MOV10L1: variants seen among roughly 807,000 people sequenced by gnomAD.
MOV10L1 encodes the protein RNA helicase Mov10l1.
A neutral mutation model predicts 143.8 loss-of-function variants in MOV10L1; 110 were observed. That is an observed-to-expected ratio of 0.76 (90% CI 0.66 to 0.90). The LOEUF (loss-of-function observed/expected upper bound fraction) is 0.90. MOV10L1 is among the 40% of genes least tolerant of loss of function. The pLI is 0.00. For missense variants in MOV10L1, 1,406 were observed against 1,526.8 expected (o/e 0.92, Z 1.32); for synonymous variants, 593 against 581.1 (o/e 1.02, Z -0.29).
At chr22:50,097,152 G>C (rs2062610696) in intron 2 of MOV10L1, among the ~76,000 whole-genome samples, 1 of 152,018 alleles carries the variant, frequency 6.6e-6, no homozygotes, top group Non-Finnish European at 1.5e-5. Flanking sequence ...TCACTTTGTT[G>C]CCCAGGCTGG....
intron 17 of MOV10L1, 148 bp downstream of exon 17, chr22:50,143,369 T>C: frequency 1.1e-6 from 1 of 935,586 alleles, no homozygotes; most frequent in Non-Finnish European, 1.7e-6. Context: ...TTAAGTCTGT[T>C]TTTGTGGATA....
chr22:50,157,287 A>G (rs1323833283), intron 22 of MOV10L1, among the ~76,000 whole-genome samples: 4 of 152,124 alleles, frequency 2.6e-5, no homozygotes, highest in Admixed American at 1.3e-4. Flanking sequence ...TCCGCAGACT[A>G]TCTTTTCACG....
chr22:50,125,783 G>C (rs138241), intron 11 of MOV10L1, among the ~76,000 whole-genome samples: 1 of 151,662 alleles, frequency 6.6e-6, no homozygotes, highest in African/African-American at 2.4e-5. Context: ...TAATGTTTTT[G>C]TTTGTTTGTT....
chr22:50,126,659 G>C (rs2062516031), intron 12 of MOV10L1, among the ~76,000 whole-genome samples: 1 of 152,190 alleles, frequency 6.6e-6, no homozygotes, highest in Admixed American at 6.5e-5. Flanking sequence ...TGGTGCTCCA[G>C]ATGGTTCTGC....
At chr22:50,143,459 GA>G (rs2063048127) in intron 17 of MOV10L1, 2 of 525,624 alleles carry the variant, frequency 3.8e-6, no homozygotes, top group Non-Finnish European at 6.8e-6. Flanking sequence ...TCTGAATCAT[GA>G]CATTTTGCTG....
At chr22:50,096,957 C>T (rs1416995081) in intron 2 of MOV10L1, among the ~76,000 whole-genome samples, 1 of 152,140 alleles carries the variant, frequency 6.6e-6, no homozygotes, top group Non-Finnish European at 1.5e-5. Flanking sequence ...CTTTGATGCA[C>T]AGATGTTTTA....
chr22:50,105,245 C>G (rs1602148083), intron 3 of MOV10L1, among the ~76,000 whole-genome samples: 1 of 152,090 alleles, frequency 6.6e-6, no homozygotes, highest in Non-Finnish European at 1.5e-5. Context: ...TTCATAGGTA[C>G]TGTCTTTTTG....
At chr22:50,116,546 A>G (rs1218357920) in intron 8 of MOV10L1, among the ~76,000 whole-genome samples, 2 of 152,020 alleles carry the variant, frequency 1.3e-5, no homozygotes, top group African/African-American at 2.4e-5. Flanking sequence ...CACATTAGAT[A>G]TAGTACCTAT....
At chr22:50,144,340 G>A in intron 18 of MOV10L1, 97 bp downstream of exon 18, 1 of 1,389,984 alleles carries the variant, frequency 7.2e-7, no homozygotes, top group African/African-American at 1.4e-5. Context: ...AGGAGGGTGG[G>A]CACAGAGGCG....
intron 22 of MOV10L1, among the ~76,000 whole-genome samples, chr22:50,157,760 TCA>T (rs1491096434): frequency 2.4e-4 from 15 of 63,028 alleles, no homozygotes; most frequent in Non-Finnish European, 4.9e-4. Context: ...AGGTCTAATA[TCA>T]AAAAAAAAAA....
intron 15 of MOV10L1, among the ~76,000 whole-genome samples, chr22:50,138,753 G>A (rs1051690596): frequency 6.6e-6 from 1 of 152,108 alleles, no homozygotes; most frequent in Non-Finnish European, 1.5e-5. Flanking sequence ...TGCCCAGGCC[G>A]AGGTGCAGTG....
At position 50,114,350 on chromosome 22, in the gene MOV10L1, G is replaced by T. The variant is rs376960810; in HGVS notation, c.885-31G>T. On this transcript the variant is annotated intron_variant, in intron 6 of 26. Transcript: ENST00000262794. ...GAATATTTTGGTTTTAGAAATCCTG[G>T]CTGTGTTCATAGTTAATTGTATTTT... 27 of 1,604,942 alleles carry T rather than the reference G, an allele frequency of 1.7e-5. No individual in the cohort carries two copies. The African/African-American group carries it at 3.2e-4, about 19-fold the overall frequency.
intron 1 of MOV10L1, chr22:50,090,442 TG>T: frequency 2.5e-6 from 4 of 1,601,796 alleles, no homozygotes; most frequent in Middle Eastern, 3.3e-4. Context: ...TCACTTTGTG[TG>T]TTTACGCCGA....
chr22:50,112,757 G>A (rs545422886), intron 5 of MOV10L1, among the ~76,000 whole-genome samples: 4 of 152,338 alleles, frequency 2.6e-5, no homozygotes, highest in East Asian at 3.9e-4. Flanking sequence ...CAGCCTTCCC[G>A]TGGCAAGAGC....
intron 11 of MOV10L1, among the ~76,000 whole-genome samples, 186 bp downstream of exon 11, chr22:50,125,755 G>T (rs528473162): frequency 6.6e-6 from 1 of 151,982 alleles, no homozygotes; most frequent in Non-Finnish European, 1.5e-5. Context: ...TTCATTAGTT[G>T]TAAGCAGTTG....
chr22:50,140,372 TTAAA>T (rs1325255930), intron 15 of MOV10L1, among the ~76,000 whole-genome samples: 3 of 152,184 alleles, frequency 2.0e-5, no homozygotes, highest in Non-Finnish European at 4.4e-5. Context: ...GTCACACACT[TTAAA>T]TATGTGCACC....
rs759010248 is a variant in MOV10L1, at chr22:50,159,786, G to A, written c.3324+1G>A. The A allele has an allele frequency of 1.0e-5, 16 of 1,598,934 alleles. No homozygotes were observed. Among genetic ancestry groups the A allele is most frequent in the African/African-American group, 1.3e-5 (1 of 74,464 alleles). On this transcript the variant is annotated splice_donor_variant, in intron 24 of 26. Coordinates refer to ENST00000262794, the MANE Select transcript of MOV10L1 (RefSeq NM_018995.3). LOFTEE classifies it high-confidence loss of function. The surrounding 1 kb of genome is among the most constrained non-coding windows in gnomAD (Gnocchi z 4.1). ...GTATCTGGTCATCATCATTTCGACCGTAGGTATCCCTGTTCTCCGTGGGGA... is the reference window on the plus strand; with the variant it reads ...GTATCTGGTCATCATCATTTCGACCATAGGTATCCCTGTTCTCCGTGGGGA...
intron 17 of MOV10L1, among the ~76,000 whole-genome samples, chr22:50,143,894 G>A (rs894355304): frequency 1.3e-5 from 2 of 152,182 alleles, no homozygotes; most frequent in Non-Finnish European, 2.9e-5. Flanking sequence ...TAGAGAGTGC[G>A]GAGAACCTTC....
chr22:50,131,361 C>A (rs138249), intron 13 of MOV10L1, among the ~76,000 whole-genome samples: 4 of 151,964 alleles, frequency 2.6e-5, no homozygotes, highest in African/African-American at 9.7e-5. Context: ...TTATCAGATA[C>A]GTGTCTGTGC....
Sources: gnomAD v4.1 joint callset for allele counts (sites outside exome capture counted in the v4.1 genomes callset) on GRCh38, gnomAD v4.1.1 for gene constraint, Gnocchi (gnomAD v3.1) non-coding constraint, MANE v1.5 for transcripts, NCBI Gene and HGNC (gene_info 2026-07-23, HGNC 2026-07-21) for gene names.